Variants in NYAP2 observed in about 807,000 individuals in gnomAD.
NYAP2 encodes neuronal tyrosine-phosphorylated phosphoinositide-3-kinase adapter 2.
Under a neutral mutation model 50.4 loss-of-function variants are expected in NYAP2, and 23 were observed. The ratio of observed to expected loss-of-function variants is 0.46; its 90% CI spans 0.33 to 0.65. The LOEUF (loss-of-function observed/expected upper bound fraction) is 0.65. Ranked by LOEUF, NYAP2 falls within the 30% of genes least tolerant of loss-of-function variation. The pLI is 0.02. For missense variants in NYAP2, 885 were observed against 861.0 expected (o/e 1.03, Z -0.35); for synonymous variants, 394 against 365.2 (o/e 1.08, Z -0.90).
chr2:225,694,243 T>C, the NYAP2 span, among the ~76,000 whole-genome samples: 1 of 151,982 alleles, frequency 6.6e-6, no homozygotes, highest in Non-Finnish European at 1.5e-5. Context: ...TTCGTTTTAA[T>C]AGTCAATTCC....
At chr2:225,551,814 T>C (rs1262435489) in intron 4 of NYAP2, among the ~76,000 whole-genome samples, 1 of 152,178 alleles carries the variant, frequency 6.6e-6, no homozygotes, top group African/African-American at 2.4e-5. Flanking sequence ...TGGGCATTAA[T>C]TGCTTTTCTT....
At chr2:225,511,574 G>GT (rs1348354577) in intron 3 of NYAP2, among the ~76,000 whole-genome samples, 1 of 152,064 alleles carries the variant, frequency 6.6e-6, no homozygotes, top group East Asian at 1.9e-4. Context: ...CTGAGTATCA[G>GT]TTGAAAATAT....
Position 225,582,222 on chromosome 2 carries a change from G to C in NYAP2, c.805G>C (p.Glu269Gln). The change falls in exon 5 of 7, where the codon GAG becomes CAG. Residue 269 changes from glutamate (E) to glutamine (Q), a missense_variant. Glu to Gln is a conservative substitution (Grantham distance 29). Transcript: ENST00000636099. The surrounding 1 kb of genome is among the most constrained non-coding windows in gnomAD (Gnocchi z 7.0). ...CGATGACCAGAGCGAGGCCGTCTAC[G>C]AGGAAATGAAGTACCCTATCTTTGA... 2 of 1,614,018 alleles carry C rather than the reference G, an allele frequency of 1.2e-6. No homozygotes were observed. Among genetic ancestry groups the C allele is most frequent in the Non-Finnish European group, 1.7e-6 (2 of 1,179,902 alleles).
intron 5 of NYAP2, among the ~76,000 whole-genome samples, chr2:225,606,749 CAG>C: frequency 6.6e-6 from 1 of 152,228 alleles, no homozygotes; most frequent in Non-Finnish European, 1.5e-5. Context: ...CTTTAGTAAT[CAG>C]AGATTCAAAT....
chr2:225,413,819 T>C (rs1695084451), intron 3 of NYAP2, among the ~76,000 whole-genome samples: 1 of 152,218 alleles, frequency 6.6e-6, no homozygotes, highest in African/African-American at 2.4e-5. Flanking sequence ...TTTGTAGAAA[T>C]ATACTGCTGT....
intron 5 of NYAP2, among the ~76,000 whole-genome samples, chr2:225,603,151 C>T (rs773656176): frequency 5.9e-5 from 9 of 152,136 alleles, no homozygotes; most frequent in African/African-American, 9.6e-5. Flanking sequence ...TCCTTGGTTA[C>T]GTTTATGCCT....
At chr2:225,619,991 T>A (rs947743307) in intron 5 of NYAP2, among the ~76,000 whole-genome samples, 1 of 152,204 alleles carries the variant, frequency 6.6e-6, no homozygotes, top group Non-Finnish European at 1.5e-5. Flanking sequence ...AGAGGATAGG[T>A]GCGTTCTATG....
the NYAP2 span, among the ~76,000 whole-genome samples, chr2:225,664,596 C>T: frequency 2.6e-5 from 4 of 151,914 alleles, no homozygotes; most frequent in South Asian, 4.2e-4. Context: ...CGGCCGGGCA[C>T]GGTGGCTTAT....
chr2:225,485,689 A>G (rs1032877694), intron 3 of NYAP2, among the ~76,000 whole-genome samples: 4 of 152,186 alleles, frequency 2.6e-5, no homozygotes, highest in Admixed American at 6.5e-5. Flanking sequence ...CTCTTACTGA[A>G]TCTCACAGCC....
chr2:225,702,277 G>GCT, the NYAP2 span: 1 of 151,690 alleles, frequency 6.6e-6, no homozygotes. Flanking sequence ...AAAATAGACA[G>GCT]CTAATTGTAG....
intron 3 of NYAP2, among the ~76,000 whole-genome samples, chr2:225,462,534 A>T (rs1689849629): frequency 6.6e-6 from 1 of 152,106 alleles, no homozygotes; most frequent in Non-Finnish European, 1.5e-5. Flanking sequence ...TATAACTCGG[A>T]TGATGTTATG....
At chr2:225,628,856 T>G (rs2106258976) in intron 6 of NYAP2, among the ~76,000 whole-genome samples, 1 of 152,294 alleles carries the variant, frequency 6.6e-6, no homozygotes, top group South Asian at 2.1e-4. Context: ...TAGCCACAGT[T>G]CTATGATCTG....
At chr2:225,663,421 A>G in the NYAP2 span, among the ~76,000 whole-genome samples, 1 of 152,164 alleles carries the variant, frequency 6.6e-6, no homozygotes, top group Non-Finnish European at 1.5e-5. Context: ...CATGAATCAC[A>G]AACAACTTTG....
chr2:225,486,925 G>A (rs1690310376), intron 3 of NYAP2, among the ~76,000 whole-genome samples: 1 of 152,178 alleles, frequency 6.6e-6, no homozygotes, highest in African/African-American at 2.4e-5. Flanking sequence ...ACAGTTAAGG[G>A]AACTTTAGCC....
chr2:225,570,589 T>A (rs982098666), intron 4 of NYAP2, among the ~76,000 whole-genome samples: 6 of 152,134 alleles, frequency 3.9e-5, no homozygotes, highest in African/African-American at 1.4e-4. Context: ...TCATGAGAAC[T>A]CACTCACTAT....
intron 2 of NYAP2, among the ~76,000 whole-genome samples, chr2:225,405,482 G>A (rs1694924813): frequency 6.6e-6 from 1 of 151,926 alleles, no homozygotes; most frequent in Admixed American, 6.6e-5. Context: ...CAAGTTTTTG[G>A]TGGTTTACAA....
intron 4 of NYAP2, among the ~76,000 whole-genome samples, chr2:225,530,365 AAT>A (rs1396011284): frequency 3.3e-5 from 5 of 151,996 alleles, no homozygotes; most frequent in Non-Finnish European, 7.4e-5. Context: ...CCTCATCCAA[AAT>A]CCACTGCTCT....
chr2:225,604,737 C>A (rs114964915), intron 5 of NYAP2, among the ~76,000 whole-genome samples: 2 of 152,030 alleles, frequency 1.3e-5, no homozygotes, highest in Non-Finnish European at 2.9e-5. Context: ...AGGAATACTA[C>A]GACAAATTTC....
At chr2:225,544,585 G>A (rs11898224) in intron 4 of NYAP2, among the ~76,000 whole-genome samples, 4,203 of 151,940 alleles carry the variant, frequency 0.028, 184 homozygotes, top group African/African-American at 0.094. Context: ...CTTTAACTTC[G>A]TCTCCTATTT....
Sources: gnomAD v4.1 joint callset for allele counts (sites outside exome capture counted in the v4.1 genomes callset) on GRCh38, gnomAD v4.1.1 for gene constraint, Gnocchi (gnomAD v3.1) non-coding constraint, MANE v1.5 for transcripts, NCBI Gene and HGNC (gene_info 2026-07-23, HGNC 2026-07-21) for gene names.